The following ABTB3 variants were observed in gnomAD, a reference collection of about 807,000 sequenced individuals.
ABTB3 encodes ankyrin repeat and BTB domain containing 3.
At chr12:107,456,892 G>A in the ABTB3 span, among the ~76,000 whole-genome samples, 40 of 150,658 alleles carry the variant, frequency 2.7e-4, no homozygotes, top group African/African-American at 9.5e-4. Context: ...ACAGAGTTTC[G>A]CTCATTGCCC....
At chr12:107,500,638 A>T in the ABTB3 span, among the ~76,000 whole-genome samples, 1 of 152,272 alleles carries the variant, frequency 6.6e-6, no homozygotes, top group African/African-American at 2.4e-5. Context: ...TGCTCAGGCC[A>T]CGACTGTGTA....
chr12:107,441,295 A>G, the ABTB3 span, among the ~76,000 whole-genome samples: 1 of 152,226 alleles, frequency 6.6e-6, no homozygotes, highest in Non-Finnish European at 1.5e-5. Context: ...AAGGAATGAG[A>G]TCATGTGCTT....
the ABTB3 span, among the ~76,000 whole-genome samples, chr12:107,352,952 A>G: frequency 6.6e-6 from 1 of 152,172 alleles, no homozygotes; most frequent in East Asian, 1.9e-4. Context: ...GTGGAGGAAG[A>G]ACACTGTGGA....
the ABTB3 span, among the ~76,000 whole-genome samples, chr12:107,394,454 G>T: frequency 6.6e-6 from 1 of 152,174 alleles, no homozygotes; most frequent in Non-Finnish European, 1.5e-5. Context: ...GTAACAGTGG[G>T]TATGGCATCC....
the ABTB3 span, among the ~76,000 whole-genome samples, chr12:107,517,519 T>G: frequency 1.3e-5 from 2 of 152,230 alleles, no homozygotes; most frequent in Non-Finnish European, 2.9e-5. Context: ...GTTCTTCCAT[T>G]TGTTTGTATC....
chr12:107,413,855 A>G, the ABTB3 span, among the ~76,000 whole-genome samples: 1 of 152,238 alleles, frequency 6.6e-6, no homozygotes, highest in Non-Finnish European at 1.5e-5. Flanking sequence ...GGCCAGGTTG[A>G]AAGGCACTAG....
the ABTB3 span, among the ~76,000 whole-genome samples, chr12:107,522,844 G>A: frequency 2.6e-4 from 40 of 151,982 alleles, no homozygotes; most frequent in African/African-American, 9.7e-4. Context: ...AGGGAAAAGA[G>A]GCAGAAAGAT....
At chr12:107,385,258 T>C in the ABTB3 span, among the ~76,000 whole-genome samples, 68 of 152,350 alleles carry the variant, frequency 4.5e-4, 1 homozygote, top group Admixed American at 3.0e-3. Flanking sequence ...GTTTGCCTTC[T>C]TGTGGGCTGG....
chr12:107,651,531 C>G, the ABTB3 span: 1 of 602,248 alleles, frequency 1.7e-6, no homozygotes, highest in Non-Finnish European at 3.1e-6. Flanking sequence ...CTAGTGTTAC[C>G]TTTGTGCATC....
the ABTB3 span, among the ~76,000 whole-genome samples, chr12:107,634,667 G>C: frequency 6.6e-6 from 1 of 152,200 alleles, no homozygotes; most frequent in African/African-American, 2.4e-5. Context: ...GAGGGTCAAG[G>C]ACAAGCAGGC....
At chr12:107,511,765 A>G in the ABTB3 span, among the ~76,000 whole-genome samples, 2 of 152,144 alleles carry the variant, frequency 1.3e-5, no homozygotes, top group Non-Finnish European at 2.9e-5. Flanking sequence ...GACAGGGGTG[A>G]AAAATGGAGA....
At chr12:107,543,618 C>T in the ABTB3 span, among the ~76,000 whole-genome samples, 3 of 152,050 alleles carry the variant, frequency 2.0e-5, no homozygotes, top group African/African-American at 7.2e-5. Flanking sequence ...TGTCACAGGG[C>T]GAGGGAGGCA....
At chr12:107,641,461 A>G in the ABTB3 span, among the ~76,000 whole-genome samples, 1 of 152,218 alleles carries the variant, frequency 6.6e-6, no homozygotes, top group East Asian at 1.9e-4. Context: ...ACAGACACAT[A>G]TCAGCTTATT....
chr12:107,583,953 G>A, the ABTB3 span, among the ~76,000 whole-genome samples: 2 of 152,072 alleles, frequency 1.3e-5, no homozygotes, highest in South Asian at 4.1e-4. Context: ...ATTTTCATTC[G>A]ATTTGGAAAT....
At chr12:107,618,767 A>G in the ABTB3 span, among the ~76,000 whole-genome samples, 1 of 152,222 alleles carries the variant, frequency 6.6e-6, no homozygotes, top group Non-Finnish European at 1.5e-5. Flanking sequence ...GGAAATCTTT[A>G]TATTTAACAA....
At chr12:107,389,906 C>T in the ABTB3 span, among the ~76,000 whole-genome samples, 1 of 148,856 alleles carries the variant, frequency 6.7e-6, no homozygotes, top group East Asian at 2.0e-4. Flanking sequence ...GTTCTCCTTC[C>T]CTGACAGAAA....
the ABTB3 span, among the ~76,000 whole-genome samples, chr12:107,641,773 C>T: frequency 6.6e-6 from 1 of 152,158 alleles, no homozygotes; most frequent in Non-Finnish European, 1.5e-5. Context: ...AGGAGAGATG[C>T]CATGAAGGTG....
At chr12:107,319,990 C>T in the ABTB3 span, 9 of 1,583,408 alleles carry the variant, frequency 5.7e-6, no homozygotes, top group Non-Finnish European at 7.7e-6. Flanking sequence ...CCGTGGAGAC[C>T]CTGGAGCACA....
chr12:107,562,270 G>T, the ABTB3 span, among the ~76,000 whole-genome samples: 101 of 152,310 alleles, frequency 6.6e-4, no homozygotes, highest in African/African-American at 2.3e-3. Context: ...GCACAGAGAA[G>T]TAGCATACAG....
Sources: allele counts gnomAD v4.1 joint callset (sites outside exome capture counted in the v4.1 genomes callset), GRCh38; gene constraint gnomAD v4.1.1; transcripts MANE v1.5; gene names NCBI Gene and HGNC (gene_info 2026-07-23, HGNC 2026-07-21).